The following FRY variants were observed in gnomAD, a reference collection of about 807,000 sequenced individuals.
FRY encodes protein furry homolog.
FRY carries 128 observed loss-of-function variants against 348.4 expected under a neutral mutation model. The observed-to-expected ratio is 0.37, with a 90% CI of 0.32 to 0.43. FRY has a LOEUF of 0.43. Ranked by LOEUF, FRY falls within the 20% of genes least tolerant of loss-of-function variation. FRY has a pLI of 1.00. For synonymous variants in FRY, 1,370 were observed against 1,374.7 expected (o/e 1.00, Z 0.08); for missense variants, 2,736 against 3,695.2 (o/e 0.74, Z 6.73).
intron 54 of FRY, among the ~76,000 whole-genome samples, chr13:32,266,341 T>A (rs1373864711): frequency 6.6e-6 from 1 of 152,228 alleles, no homozygotes; most frequent in African/African-American, 2.4e-5. Context: ...ATTCATTATC[T>A]CTTCTTTCTT....
chr13:32,135,145 A>G lies in FRY; in HGVS notation c.1039A>G (p.Thr347Ala). 1 of 1,612,414 alleles carries G rather than the reference A, an allele frequency of 6.2e-7. No homozygotes were observed. Among genetic ancestry groups the G allele is most frequent in the Non-Finnish European group, 8.5e-7 (1 of 1,178,462 alleles). Residue 347 changes from threonine (T) to alanine (A), a missense_variant, in exon 10 of 61, where the codon ACC becomes GCC. Transcript: ENST00000542859. Reference sequence around the variant, plus strand: ...AAATTTTGTGGAAAGCCTGTATGACACCACGCTGGAACTTTCTTCTCGAAA... The same window carrying G: ...AAATTTTGTGGAAAGCCTGTATGACGCCACGCTGGAACTTTCTTCTCGAAA... The part of the protein sequence containing the change: ...LRNFVESLYD[T>A]TLELSSRKKH...
chr13:32,295,454 T>C lies in FRY; in HGVS notation c.9036T>C (p.Ser3012=), dbSNP rs199623718. ...CAGACTCCAGTGTTTCTGGCACTAG[T>C]CTCTGACAGGAGCCTCCTGTCCCCA... ...FLPDSSVSGT[S]L is the part of the protein sequence containing the mutation. The change falls in exon 61 of 61, where the codon AGT becomes AGC. Residue 3012 remains serine (S), a synonymous_variant. Transcript: ENST00000542859. 31 of 1,610,510 alleles carry C rather than the reference T, an allele frequency of 1.9e-5. No homozygotes were observed. In the African/African-American group the frequency reaches 3.9e-4, roughly 20 times the overall value.
rs1003589271 is a variant in FRY, at chr13:32,295,547, A to C, written c.*87A>C. The C allele has an allele frequency of 5.1e-5, 65 of 1,265,434 alleles. No homozygotes were observed. Among genetic ancestry groups the C allele is most frequent in the Non-Finnish European group, 7.0e-5 (61 of 876,066 alleles). The allele number at this position is 1,265,434 out of a possible 1,614,324, so 78.4% of individuals were successfully genotyped here. On this transcript the variant is annotated 3_prime_UTR_variant, in exon 61 of 61. Transcript: ENST00000542859. ...ATTCAGTGTCTTCTCGGCCTTCAAA[A>C]GGCTTGGACAGACTGTTCTCCCTCT...
intron 35 of FRY, among the ~76,000 whole-genome samples, chr13:32,213,033 T>A (rs923849321): frequency 9.9e-5 from 15 of 151,972 alleles, no homozygotes; most frequent in African/African-American, 3.6e-4. Context: ...TTAAAAAAAA[T>A]GAAAATTAGG....
chr13:32,262,382 C>G lies in FRY; in HGVS notation c.7686C>G (p.Thr2562=). ...TGCTCACCACAGCCTGTGACTCGAC[C>G]CCTGCAGAACCTCATTCCTTTAACA... ...MELLTTACDS[T]PAEPHSFNTR... The change falls in exon 53 of 61, where the codon ACC becomes ACG. Residue 2562 remains threonine (T), a synonymous_variant. Coordinates refer to ENST00000542859, the MANE Select transcript of FRY (RefSeq NM_023037.3). 6.2e-7 allele frequency: 1 copy of G among 1,613,258 alleles called. No individual in the cohort carries two copies. Among genetic ancestry groups the G allele is most frequent in the Non-Finnish European group, 8.5e-7 (1 of 1,179,206 alleles).
At chr13:32,035,206 G>A (rs1453074576) in intron 1 of FRY, among the ~76,000 whole-genome samples, 1 of 152,106 alleles carries the variant, frequency 6.6e-6, no homozygotes, top group African/African-American at 2.4e-5. Context: ...CATCCAAAGT[G>A]GGTTATTTTA....
chr13:32,248,066 T>C (rs995518072), intron 48 of FRY, among the ~76,000 whole-genome samples: 32 of 152,174 alleles, frequency 2.1e-4, no homozygotes, highest in African/African-American at 7.5e-4. Context: ...TACCTGATAG[T>C]CCATGAACAA....
chr13:32,208,980 C>G lies in FRY; in HGVS notation c.4146C>G (p.Ser1382Arg). 1 of 1,614,158 alleles carries G rather than the reference C, an allele frequency of 6.2e-7. No individual in the cohort carries two copies. Among genetic ancestry groups the G allele is most frequent in the Non-Finnish European group, 8.5e-7 (1 of 1,180,022 alleles). ...TCCTCCTCCCGGGGTCGAGCCCCAGCAGCCCAGAGGACGAAGTCAAGGACC... is the reference window on the plus strand; with the variant it reads ...TCCTCCTCCCGGGGTCGAGCCCCAGGAGCCCAGAGGACGAAGTCAAGGACC... ...SRLLLPGSSP[S>R]SPEDEVKDRE... The change falls in exon 32 of 61, where the codon AGC (serine) becomes AGG (arginine). Residue 1382 changes from serine to arginine, a missense_variant. By Grantham distance (110) the Ser-to-Arg change is moderately radical. Around this residue, in one of 9 missense-constraint regions of FRY, gnomAD observed 794 missense variants for 977.0 expected, o/e 0.81. Transcript: ENST00000542859.
intron 2 of FRY, among the ~76,000 whole-genome samples, chr13:32,095,464 AGCCTCCCAAGT>A (rs913955147): frequency 1.4e-5 from 2 of 143,934 alleles, no homozygotes; most frequent in Non-Finnish European, 3.0e-5. Context: ...TCACTGCCTC[AGCCTCCCAAGT>A]GGCTGGGATT....
intron 16 of FRY, among the ~76,000 whole-genome samples, chr13:32,158,951 C>CAAAAAA (rs35585320): frequency 4.3e-4 from 14 of 32,776 alleles, no homozygotes; most frequent in African/African-American, 1.3e-3. Flanking sequence ...GCTGTTTCCT[C>CAAAAAA]AAAAAAAAAA....
chr13:32,036,877 A>G (rs887313763), intron 1 of FRY, among the ~76,000 whole-genome samples: 1 of 152,168 alleles, frequency 6.6e-6, no homozygotes, highest in African/African-American at 2.4e-5. Flanking sequence ...AAAGGACCAA[A>G]GGATAAAGAA....
intron 29 of FRY, among the ~76,000 whole-genome samples, chr13:32,197,361 G>A (rs1382463807): frequency 6.6e-6 from 1 of 152,142 alleles, no homozygotes; most frequent in Non-Finnish European, 1.5e-5. Context: ...CAACAAGGAA[G>A]ACAGGCAAAG....
At chr13:32,128,655 C>A (rs1376773552) in intron 7 of FRY, among the ~76,000 whole-genome samples, 3 of 152,138 alleles carry the variant, frequency 2.0e-5, no homozygotes, top group African/African-American at 7.2e-5. Flanking sequence ...CAATCTGTTT[C>A]TTTATTTGTT....
intron 17 of FRY, among the ~76,000 whole-genome samples, chr13:32,166,691 G>A (rs1040153360): frequency 6.6e-6 from 1 of 152,012 alleles, no homozygotes; most frequent in Non-Finnish European, 1.5e-5. Flanking sequence ...TGCTTCGAGG[G>A]ACAGACACAG....
intron 17 of FRY, among the ~76,000 whole-genome samples, chr13:32,165,650 C>T (rs1315373032): frequency 6.6e-6 from 1 of 152,154 alleles, no homozygotes; most frequent in Admixed American, 6.5e-5. Flanking sequence ...GCTTATCTTG[C>T]CTAGTTCAAA....
chr13:32,117,499 T>C lies in FRY; in HGVS notation c.464+26T>C, dbSNP rs1323724711. 4 of 1,609,016 alleles carry C rather than the reference T, an allele frequency of 2.5e-6. No homozygotes were observed. The South Asian group carries it at 3.3e-5, about 13-fold the overall frequency. Reference sequence around the variant, plus strand: ...GTACATTTCTTTTGTGTAAGGATCATGGTTTTATTTTGTTTTGTTTTCAGG... The same window carrying C: ...GTACATTTCTTTTGTGTAAGGATCACGGTTTTATTTTGTTTTGTTTTCAGG... On this transcript the variant is annotated intron_variant, in intron 4 of 60. Coordinates refer to ENST00000542859, the MANE Select transcript of FRY (RefSeq NM_023037.3).
At chr13:32,247,599 C>A in intron 48 of FRY, 97 bp downstream of exon 48, 1 of 968,240 alleles carries the variant, frequency 1.0e-6, no homozygotes, top group Non-Finnish European at 1.6e-6. Flanking sequence ...ACTTATTTGA[C>A]AGTTATTTCA....
At chr13:32,143,595 A>G (rs944358038) in intron 11 of FRY, among the ~76,000 whole-genome samples, 2 of 152,250 alleles carry the variant, frequency 1.3e-5, no homozygotes, top group African/African-American at 4.8e-5. Context: ...AATTGAGATG[A>G]TACTTGCCTT....
chr13:32,100,277 C>G (rs2138626991), intron 2 of FRY, among the ~76,000 whole-genome samples: 1 of 151,972 alleles, frequency 6.6e-6, no homozygotes, highest in South Asian at 2.1e-4. Context: ...GACAGGATTT[C>G]ACTGTGTTGA....
Sources: allele counts gnomAD v4.1 joint callset (sites outside exome capture counted in the v4.1 genomes callset), GRCh38; gene constraint gnomAD v4.1.1; regional missense constraint gnomAD v4.1.1; transcripts MANE v1.5; gene names NCBI Gene and HGNC (gene_info 2026-07-23, HGNC 2026-07-21).